Variants in NDUFS2 observed in about 807,000 individuals in gnomAD.
NDUFS2 encodes NADH dehydrogenase [ubiquinone] iron-sulfur protein 2, mitochondrial.
Under a neutral mutation model 69.6 loss-of-function variants are expected in NDUFS2, and 38 were observed. The ratio of observed to expected loss-of-function variants is 0.55; its 90% CI spans 0.42 to 0.72. The LOEUF is 0.72. Among genes scored for constraint, NDUFS2 ranks in the 30% least tolerant of loss-of-function variants. The pLI, the probability that NDUFS2 is intolerant of heterozygous loss-of-function variation, is 0.00. For missense variants in NDUFS2, 468 were observed against 595.0 expected, an observed-to-expected ratio of 0.79 and a Z score of 2.22; for synonymous variants, 194 against 211.2, an observed-to-expected ratio of 0.92 and a Z score of 0.70.
chr1:161,203,163 G>A (rs1157258139), intron 1 of NDUFS2, among the ~76,000 whole-genome samples: 1 of 152,048 alleles, frequency 6.6e-6, no homozygotes, highest in South Asian at 2.1e-4. Context: ...AAAATTAGCC[G>A]GGTTTGGTGG....
chr1:161,205,458 A>G (rs773130823), intron 2 of NDUFS2, among the ~76,000 whole-genome samples: 2 of 152,136 alleles, frequency 1.3e-5, no homozygotes, highest in Non-Finnish European at 2.9e-5. Context: ...ATCATTTCCT[A>G]TATTTGAGCT....
chr1:161,213,297 A>C, intron 10 of NDUFS2, 83 bp from the exon 11 acceptor site: 90 of 841,792 alleles, frequency 1.1e-4, no homozygotes, highest in Non-Finnish European at 1.6e-4. Flanking sequence ...CCCTGAGGGT[A>C]GAGATTATTT....
At chr1:161,201,548 T>C (rs1430477607), upstream of NDUFS2, among the ~76,000 whole-genome samples, 2 of 152,192 alleles carry the variant, frequency 1.3e-5, no homozygotes, top group Non-Finnish European at 2.9e-5. Context: ...TACATTTCCG[T>C]GCTGTTGGCC....
At position 161,210,142 on chromosome 1, in the gene NDUFS2, A is replaced by G; in HGVS notation, c.734A>G (p.Tyr245Cys). 4 of 1,614,162 alleles carry G rather than the reference A, an allele frequency of 2.5e-6. No homozygotes were observed. The highest frequency in any genetic ancestry group is 3.4e-6 in the Non-Finnish European group (4 of 1,180,032). ...DLPLGLMDDI[Y>C]QFSKNFSLRL... is the part of the protein sequence containing the mutation. ...CCCCTTGGGCTTATGGATGACATTT[A>G]TCAGTTTTCTAAGAACTTCTCTCTT... is the stretch of plus-strand genomic sequence containing the variant. Residue 245 changes from tyrosine to cysteine, a missense_variant, in exon 7 of 14, where the codon TAT (tyrosine) becomes TGT (cysteine). Around this residue, in one of 3 missense-constraint regions of NDUFS2, gnomAD observed 339 missense variants for 433.8 expected, o/e 0.78. Transcript: ENST00000676972.
chr1:161,213,007 C>G (rs533743227), intron 10 of NDUFS2: 1 of 319,426 alleles, frequency 3.1e-6, no homozygotes. Flanking sequence ...TGGGTTCAAG[C>G]GATTCTCCTG....
upstream of NDUFS2, among the ~76,000 whole-genome samples, chr1:161,200,017 A>C (rs1305463645): frequency 6.6e-6 from 1 of 151,946 alleles, no homozygotes; most frequent in Non-Finnish European, 1.5e-5. Flanking sequence ...AGCCCCCAGC[A>C]TAGGCAAGAC....
In NDUFS2 at chr1:161,210,598, A is replaced by G. The variant is rs1282516466; in HGVS notation, c.874A>G (p.Met292Val). 1.2e-6 allele frequency: 2 copies of G among 1,613,986 alleles called. No homozygotes were observed. Among genetic ancestry groups the G allele is most frequent in the Non-Finnish European group, 1.7e-6 (2 of 1,180,026 alleles). Residue 292 changes from methionine to valine, a missense_variant, in exon 9 of 14, where the codon ATG (methionine) becomes GTG (valine). Around this residue, in one of 3 missense-constraint regions of NDUFS2, gnomAD observed 339 missense variants for 433.8 expected, o/e 0.78. Coordinates refer to ENST00000676972, the MANE Select transcript of NDUFS2 (RefSeq NM_001377299.1). ...EALNYGFSGVMLRGSGIQWDL... is the reference protein window; with the variant it reads ...EALNYGFSGVVLRGSGIQWDL... ...CCATTATGCTCTCCACAGTGGAGTG[A>G]TGCTTCGGGGCTCAGGCATCCAGTG...
At chr1:161,198,637 A>G, upstream of NDUFS2, 4 of 1,496,212 alleles carry the variant, frequency 2.7e-6, no homozygotes, top group Non-Finnish European at 3.6e-6. This position sits in a 1 kb window ranked among gnomAD's most constrained non-coding sequence, Gnocchi z 4.7. Flanking sequence ...TGGCACTGGT[A>G]CTGCAGCTGG....
chr1:161,198,565 T>G (rs1277341157), upstream of NDUFS2: 1 of 1,558,166 alleles, frequency 6.4e-7, no homozygotes. The surrounding 1 kb of genome is among the most constrained non-coding windows in gnomAD (Gnocchi z 4.7). Flanking sequence ...GGAGGCAGGG[T>G]TGGGCTCCCC....
chr1:161,203,366 A>C (rs1665267770), intron 1 of NDUFS2, 71 bp from the exon 2 acceptor site: 1 of 1,328,576 alleles, frequency 7.5e-7, no homozygotes, highest in Admixed American at 1.7e-5. Context: ...GGTCCCCTTG[A>C]GAGTGAATGG....
chr1:161,207,676 A>G (rs965090390), intron 3 of NDUFS2, among the ~76,000 whole-genome samples: 1 of 148,882 alleles, frequency 6.7e-6, no homozygotes, highest in Non-Finnish European at 1.5e-5. Flanking sequence ...GCAGTGAGCC[A>G]AGATGGTGCT....
chr1:161,206,346 T>C, intron 2 of NDUFS2, 61 bp from the exon 3 acceptor site: 1 of 1,560,148 alleles, frequency 6.4e-7, no homozygotes, highest in Non-Finnish European at 8.8e-7. Flanking sequence ...AACTCCTTGC[T>C]ATCTTTTGGG....
chr1:161,200,439 T>G (rs1168760729), upstream of NDUFS2, among the ~76,000 whole-genome samples: 1 of 151,866 alleles, frequency 6.6e-6, no homozygotes, highest in African/African-American at 2.4e-5. Flanking sequence ...GGAAGGAGAG[T>G]GCAGTCAGCA....
intron 13 of NDUFS2, 75 bp downstream of exon 13, chr1:161,213,996 C>A: frequency 6.2e-7 from 1 of 1,613,828 alleles, no homozygotes; most frequent in Non-Finnish European, 8.5e-7. Flanking sequence ...AGAAGGAGAA[C>A]ACTTCCTGTT....
At chr1:161,202,115 A>C (rs934576562), upstream of NDUFS2, 1 of 540,694 alleles carries the variant, frequency 1.8e-6, no homozygotes, top group Non-Finnish European at 3.3e-6. Flanking sequence ...TGCCCCACGC[A>C]GGAACGGCAA....
At chr1:161,207,643 C>G (rs1410871321) in intron 3 of NDUFS2, among the ~76,000 whole-genome samples, 1 of 150,838 alleles carries the variant, frequency 6.6e-6, no homozygotes, top group African/African-American at 2.4e-5. Flanking sequence ...AGGAGAATCA[C>G]TTGAACCTGG....
Position 161,210,362 on chromosome 1 carries a change from CAGA to C in NDUFS2, c.845_847del (p.Glu282del), listed in dbSNP as rs1665705267. Reference sequence around the variant, plus strand: ...ACAATTGACATTGGGGTTGTAACAGCAGAAGAAGCACTTAACTATGGTTTTAGG... The same window carrying C: ...ACAATTGACATTGGGGTTGTAACAGCAGAAGCACTTAACTATGGTTTTAGG... On this transcript the variant is annotated inframe_deletion, in exon 8 of 14. Transcript: ENST00000676972. 8 of 1,613,940 alleles carry C rather than the reference CAGA, an allele frequency of 5.0e-6. No individual in the cohort carries two copies. Among genetic ancestry groups the C allele is most frequent in the Non-Finnish European group, 6.8e-6 (8 of 1,179,900 alleles).
In NDUFS2 at chr1:161,210,325, T is replaced by A; in HGVS notation, c.802T>A (p.Trp268Arg). Residue 268 changes from tryptophan to arginine, a missense_variant, in exon 8 of 14, where the codon TGG becomes AGG. Physicochemically the swap from Trp to Arg is moderately radical, Grantham distance 101. Coordinates refer to ENST00000676972, the MANE Select transcript of NDUFS2 (RefSeq NM_001377299.1). ...ATAGTTGCTGACCAACAATAGGATC[T>A]GGCGAAATCGGACAATTGACATTGG... ...LEELLTNNRI[W>R]RNRTIDIGVV... 1 of 1,614,006 alleles carries A rather than the reference T, an allele frequency of 6.2e-7. No individual in the cohort carries two copies. Among genetic ancestry groups the A allele is most frequent in the Non-Finnish European group, 8.5e-7 (1 of 1,179,974 alleles).
intron 10 of NDUFS2, chr1:161,212,757 C>T (rs1457641031): frequency 5.4e-6 from 2 of 368,182 alleles, no homozygotes; most frequent in African/African-American, 4.3e-5. Context: ...CAGGGTTTCA[C>T]CATATTGGTC....
Sources: allele counts gnomAD v4.1 joint callset (sites outside exome capture counted in the v4.1 genomes callset), GRCh38; gene constraint gnomAD v4.1.1; regional missense constraint gnomAD v4.1.1; non-coding constraint Gnocchi (gnomAD v3.1); transcripts MANE v1.5; gene names NCBI Gene and HGNC (gene_info 2026-07-23, HGNC 2026-07-21).